Variants in SPTSSB observed in about 807,000 individuals in gnomAD.
SPTSSB encodes the protein serine palmitoyltransferase small subunit B.
In SPTSSB, 6 loss-of-function variants were observed where a neutral mutation model predicts 7.7. The observed-to-expected ratio is 0.78, with a 90% CI of 0.43 to 1.54. SPTSSB has a LOEUF of 1.54. Among genes scored for constraint, SPTSSB ranks in the 40% most tolerant of loss-of-function variants. The pLI, the probability that SPTSSB is intolerant of heterozygous loss-of-function variation, is 0.01. For missense variants in SPTSSB, 91 were observed against 93.0 expected (o/e 0.98, Z 0.09); for synonymous variants, 28 against 29.7 (o/e 0.94, Z 0.19).
intron 1 of SPTSSB, among the ~76,000 whole-genome samples, chr3:161,361,861 T>C (rs377722721): frequency 6.6e-6 from 1 of 152,168 alleles, no homozygotes; most frequent in East Asian, 1.9e-4. Flanking sequence ...CGAAGGAAGT[T>C]AGCAGATCAC....
At chr3:161,352,772 GT>G (rs1431402752) in intron 2 of SPTSSB, among the ~76,000 whole-genome samples, 2 of 152,124 alleles carry the variant, frequency 1.3e-5, no homozygotes, top group Non-Finnish European at 2.9e-5. Flanking sequence ...AGTACAATCT[GT>G]TTTTTTGAAG....
intron 2 of SPTSSB, among the ~76,000 whole-genome samples, chr3:161,347,348 C>G (rs560515067): frequency 6.6e-6 from 1 of 152,188 alleles, no homozygotes; most frequent in African/African-American, 2.4e-5. Flanking sequence ...ACTTCCACCT[C>G]CCAGGTTCAA....
chr3:161,346,110 T>G lies in SPTSSB; in HGVS notation c.214A>C (p.Ser72Arg). ...GAACAGGATCAATTAGAAATTGTAC[T>G]GTGATATCCACATATTTTTGAGAAA... ...EFFSKICGYHSTISN is the reference protein window; with the variant it reads ...EFFSKICGYHRTISN The change falls in exon 3 of 3, where the codon AGT (serine) becomes CGT (arginine). Residue 72 changes from serine to arginine, a missense_variant. Transcript: ENST00000620149. 6.4e-7 allele frequency: 1 copy of G among 1,568,446 alleles called. No homozygotes were observed. Among genetic ancestry groups the G allele is most frequent in the Non-Finnish European group, 8.8e-7 (1 of 1,138,432 alleles).
At chr3:161,368,649 A>G (rs891541093) in intron 1 of SPTSSB, among the ~76,000 whole-genome samples, 2 of 151,712 alleles carry the variant, frequency 1.3e-5, no homozygotes, top group South Asian at 4.2e-4. Flanking sequence ...GATGGTCTCG[A>G]TCTCCTGACC....
rs73878310 is a variant in SPTSSB, at chr3:161,367,894, T to C, written c.-126+3541A>G. ...CTCAACCGCTGGCCTGAATCACTGA[T>C]AAAGGACTAGACATATCTAGAAGTA... On this transcript the variant is annotated intron_variant, in intron 1 of 2. Coordinates refer to ENST00000620149, the MANE Select transcript of SPTSSB (RefSeq NM_001040100.2). Among the ~76,000 whole-genome samples the C allele has an allele frequency of 2.3e-3, 355 of 152,284 alleles. 2 individuals carry two copies. Among genetic ancestry groups the C allele is most frequent in the African/African-American group, 8.0e-3 (332 of 41,552 alleles).
At chr3:161,357,380 G>A (rs939124067) in intron 2 of SPTSSB, among the ~76,000 whole-genome samples, 1 of 152,268 alleles carries the variant, frequency 6.6e-6, no homozygotes, top group South Asian at 2.1e-4. Flanking sequence ...TTACTGTTGG[G>A]TTCATCCTCC....
chr3:161,352,199 G>A (rs144570715), intron 2 of SPTSSB, among the ~76,000 whole-genome samples: 1 of 152,166 alleles, frequency 6.6e-6, no homozygotes, highest in African/African-American at 2.4e-5. Context: ...TTCGTTTAAA[G>A]CCCTTCACAG....
intron 1 of SPTSSB, among the ~76,000 whole-genome samples, chr3:161,369,501 C>T (rs1046410893): frequency 9.4e-5 from 14 of 149,118 alleles, no homozygotes; most frequent in African/African-American, 3.5e-4. Flanking sequence ...TAGTAAACAC[C>T]TTCTCATGTG....
At position 161,356,919 on chromosome 3, in the gene SPTSSB, C is replaced by T. The variant is rs138378820; in HGVS notation, c.-33+2883G>A. 2.9e-3 allele frequency among the ~76,000 whole-genome samples: 443 copies of T among 152,064 alleles called. 3 individuals are homozygous for T. Among genetic ancestry groups the T allele is most frequent in the African/African-American group, 0.01 (427 of 41,454 alleles). The stretch of plus-strand genomic sequence containing the variant: ...ATCGCTTGAGCCCAGGATGTTGAGG[C>T]TGCACTGAGCTGTGGTCATGCCACT... On this transcript the variant is annotated intron_variant, in intron 2 of 2. Coordinates refer to ENST00000620149, the MANE Select transcript of SPTSSB (RefSeq NM_001040100.2).
Position 161,369,306 on chromosome 3 carries a change from C to CTT in SPTSSB, c.-126+2127_-126+2128dup, listed in dbSNP as rs1553804911. On this transcript the variant is annotated intron_variant, in intron 1 of 2. Transcript: ENST00000620149. ...CTTTCTTTTCTTTCTTTCTTTCTTT[C>CTT]TTTCTTTCTCTTTCTTTCTTTCTTT... Among the ~76,000 whole-genome samples the CTT allele has an allele frequency of 1.6e-3, 91 of 56,446 alleles. 2 individuals are homozygous for CTT. The highest frequency in any genetic ancestry group is 7.9e-3 in the African/African-American group (75 of 9,474). 37.0% of individuals were successfully genotyped at this position (56,446 alleles called of 152,430 possible).
At chr3:161,368,630 T>G (rs1370384419) in intron 1 of SPTSSB, among the ~76,000 whole-genome samples, 2 of 151,878 alleles carry the variant, frequency 1.3e-5, no homozygotes, top group African/African-American at 4.8e-5. Flanking sequence ...GTTTCACCGT[T>G]TTAGCCGGGA....
intron 2 of SPTSSB, among the ~76,000 whole-genome samples, chr3:161,351,359 A>G (rs1714529513): frequency 6.6e-6 from 1 of 152,204 alleles, no homozygotes; most frequent in Non-Finnish European, 1.5e-5. Context: ...AGCCGATCCA[A>G]AAGAGAAAAG....
At chr3:161,366,479 G>C (rs1249337068) in intron 1 of SPTSSB, among the ~76,000 whole-genome samples, 1 of 152,070 alleles carries the variant, frequency 6.6e-6, no homozygotes, top group African/African-American at 2.4e-5. Flanking sequence ...GCTTCCCAGG[G>C]GAAGAGAGAA....
At chr3:161,367,228 A>C (rs955349767) in intron 1 of SPTSSB, among the ~76,000 whole-genome samples, 1 of 152,214 alleles carries the variant, frequency 6.6e-6, no homozygotes, top group African/African-American at 2.4e-5. Context: ...GGACATTAAA[A>C]ATTATTTTAT....
At chr3:161,370,293 C>T (rs972504230) in intron 1 of SPTSSB, among the ~76,000 whole-genome samples, 1 of 152,054 alleles carries the variant, frequency 6.6e-6, no homozygotes, top group African/African-American at 2.4e-5. Flanking sequence ...CTAGAATGAC[C>T]ATGCTTTGTT....
chr3:161,348,634 T>A (rs1233097478), intron 2 of SPTSSB, among the ~76,000 whole-genome samples: 1 of 152,246 alleles, frequency 6.6e-6, no homozygotes, highest in Non-Finnish European at 1.5e-5. Flanking sequence ...TGCAATGACT[T>A]TAAATCTGGC....
Position 161,345,720 on chromosome 3 carries a change from A to C in SPTSSB, c.*373T>G. On this transcript the variant is annotated 3_prime_UTR_variant, in exon 3 of 3. Transcript: ENST00000620149. Reference sequence around the variant, plus strand: ...GATTTTTTAAAATTTATCCTTTAGTATAGAATAAGTGTCAAGGGAGCACTT... The same window carrying C: ...GATTTTTTAAAATTTATCCTTTAGTCTAGAATAAGTGTCAAGGGAGCACTT... The C allele has an allele frequency of 5.8e-6, 1 of 171,338 alleles. No individual in the cohort carries two copies. Among genetic ancestry groups the C allele is most frequent in the Non-Finnish European group, 1.3e-5 (1 of 79,256 alleles). The allele number at this position is 171,338 out of a possible 1,614,324, so 10.6% of individuals were successfully genotyped here. A position where few individuals can be genotyped will look rare whatever the true frequency, so the allele number is the denominator to read the frequency against.
chr3:161,368,352 T>C (rs1254492034), intron 1 of SPTSSB, among the ~76,000 whole-genome samples: 19 of 152,206 alleles, frequency 1.2e-4, no homozygotes, highest in Admixed American at 1.2e-3. Context: ...TGACAGTCAA[T>C]TTTAGACCAT....
chr3:161,353,808 G>T (rs1449738526), intron 2 of SPTSSB, among the ~76,000 whole-genome samples: 1 of 152,036 alleles, frequency 6.6e-6, no homozygotes, highest in East Asian at 1.9e-4. Flanking sequence ...CATTCTCTGT[G>T]GGTGACCCCA....
Sources: allele counts gnomAD v4.1 joint callset (sites outside exome capture counted in the v4.1 genomes callset), GRCh38; gene constraint gnomAD v4.1.1; transcripts MANE v1.5; gene names NCBI Gene and HGNC (gene_info 2026-07-23, HGNC 2026-07-21).